The following CTSH variants were observed in gnomAD, a reference collection of about 807,000 sequenced individuals.
The protein encoded by CTSH is pro-cathepsin H.
A neutral mutation model predicts 56.3 loss-of-function variants in CTSH; 52 were observed. The ratio of observed to expected loss-of-function variants is 0.92; its 90% CI spans 0.74 to 1.16. The LOEUF is 1.16. CTSH is among the 50% of genes most tolerant of loss of function. CTSH has a pLI of 0.00. For missense variants in CTSH, 406 were observed against 424.5 expected, an observed-to-expected ratio of 0.96 and a Z score of 0.38; for synonymous variants, 174 against 155.7, an observed-to-expected ratio of 1.12 and a Z score of -0.88.
At chr15:78,930,030 TTC>T (rs1489034832) in intron 7 of CTSH, among the ~76,000 whole-genome samples, 2 of 152,214 alleles carry the variant, frequency 1.3e-5, no homozygotes, top group African/African-American at 2.4e-5. Flanking sequence ...TCCCCGTCCC[TTC>T]TCTGTTTCTC....
chr15:78,937,901 T>C, intron 2 of CTSH: 2 of 912,530 alleles, frequency 2.2e-6, no homozygotes, highest in Non-Finnish European at 3.1e-6. Context: ...TTTCGATACA[T>C]TCATATAATG....
intron 1 of CTSH, among the ~76,000 whole-genome samples, chr15:78,941,589 G>T (rs544377018): frequency 2.0e-5 from 3 of 151,876 alleles, no homozygotes; most frequent in African/African-American, 7.3e-5. Context: ...TCAGAAGATC[G>T]AGACCATCCT....
intron 10 of CTSH, among the ~76,000 whole-genome samples, chr15:78,924,354 A>G (rs1596268148): frequency 6.6e-6 from 1 of 152,170 alleles, no homozygotes; most frequent in East Asian, 1.9e-4. Flanking sequence ...AGTGTTTCAG[A>G]AGGCAGACAG....
chr15:78,937,015 G>A (rs757751029), intron 3 of CTSH: 1 of 345,946 alleles, frequency 2.9e-6, no homozygotes, highest in East Asian at 6.6e-5. Context: ...CCTACCCCCC[G>A]CAACAATCCA....
At chr15:78,932,498 G>A in intron 5 of CTSH, 40 bp from the exon 6 acceptor site, 4 of 1,515,394 alleles carry the variant, frequency 2.6e-6, no homozygotes, top group South Asian at 2.2e-5. Flanking sequence ...TCAGTGATGG[G>A]GACGCCGTGA....
rs35001431 is a variant in CTSH at position 78,944,915 on chromosome 15, C to T, written c.67G>A (p.Ala23Thr). Residue 23 changes from alanine (A) to threonine (T), a missense_variant, in exon 1 of 12, where the codon GCC (alanine) becomes ACC (threonine). By Grantham distance (58) the Ala-to-Thr change is moderately conservative. Coordinates refer to ENST00000220166, the MANE Select transcript of CTSH (RefSeq NM_004390.5). ...CCTAAGGAGTTCACGCACAGTTCGG[C>T]GGCACCGCAGACGGGGACTCCCAGG... Reference protein sequence around the residue: ...WLLGVPVCGAAELCVNSLEKF... With the variant: ...WLLGVPVCGATELCVNSLEKF... 5,820 of 1,548,584 alleles carry T rather than the reference C, an allele frequency of 3.8e-3. 254 individuals are homozygous for T. The African/African-American group carries it at 0.071, about 19-fold the overall frequency.
At chr15:78,939,082 T>C in intron 2 of CTSH, 58 bp downstream of exon 2, 1 of 1,483,704 alleles carries the variant, frequency 6.7e-7, no homozygotes, top group Non-Finnish European at 9.3e-7. Flanking sequence ...CAGTTTGGTT[T>C]GATAACAGGA....
In CTSH at chr15:78,937,650, G is replaced by C. The variant is rs145508218; in HGVS notation, c.124-227C>G. The C allele has an allele frequency of 9.9e-4, 1,382 of 1,393,418 alleles. 14 individuals are homozygous for C. The African/African-American group carries it at 0.018, about 18-fold the overall frequency. The allele number at this position is 1,393,418 out of a possible 1,614,324, so 86.3% of individuals were successfully genotyped here. On this transcript the variant is annotated intron_variant, in intron 2 of 11. Transcript: ENST00000220166. ...ATGAAGACCATGCAGCTGCGTGAAAGTCAGAATGTGGTCCAAGAGGCACTG... is the reference window on the plus strand; with the variant it reads ...ATGAAGACCATGCAGCTGCGTGAAACTCAGAATGTGGTCCAAGAGGCACTG...
At chr15:78,939,230 C>G in intron 1 of CTSH, 59 bp from the exon 2 acceptor site, 1 of 1,374,234 alleles carries the variant, frequency 7.3e-7, no homozygotes, top group Non-Finnish European at 1.0e-6. Context: ...GAGTCTATAG[C>G]AAAGTAGGGC....
At chr15:78,937,251 G>A (rs2055195021) in intron 3 of CTSH, 67 bp downstream of exon 3, 3 of 1,318,366 alleles carry the variant, frequency 2.3e-6, no homozygotes, top group East Asian at 2.3e-5. Flanking sequence ...AGCCCCCAGC[G>A]GGCCCTTTCA....
chr15:78,924,503 T>C (rs2054858280), intron 10 of CTSH, among the ~76,000 whole-genome samples: 1 of 151,768 alleles, frequency 6.6e-6, no homozygotes. Context: ...CAGCAACTGA[T>C]GAAGGGAGGG....
At chr15:78,925,147 T>C (rs1303156443) in intron 10 of CTSH, among the ~76,000 whole-genome samples, 187 bp downstream of exon 10, 1 of 152,204 alleles carries the variant, frequency 6.6e-6, no homozygotes, top group Non-Finnish European at 1.5e-5. Flanking sequence ...AGGCCATGGC[T>C]CCTGGCCCTT....
At chr15:78,922,249 C>T in intron 11 of CTSH, 44 bp from the exon 12 acceptor site, 1 of 1,488,936 alleles carries the variant, frequency 6.7e-7, no homozygotes, top group Non-Finnish European at 9.2e-7. Flanking sequence ...GGTCTCCCCA[C>T]CACAGGCCTT....
At chr15:78,941,510 G>A (rs1379427751) in intron 1 of CTSH, among the ~76,000 whole-genome samples, 1 of 130,568 alleles carries the variant, frequency 7.7e-6, no homozygotes, top group East Asian at 2.6e-4. Context: ...ATTTATTCTG[G>A]AGCTGGGCGC....
chr15:78,930,165 TG>T, intron 7 of CTSH, among the ~76,000 whole-genome samples: 1 of 152,340 alleles, frequency 6.6e-6, no homozygotes. Context: ...ACACAGCGGG[TG>T]CTCTGTGATA....
At chr15:78,939,506 G>C (rs2141553267) in intron 1 of CTSH, among the ~76,000 whole-genome samples, 1 of 152,314 alleles carries the variant, frequency 6.6e-6, no homozygotes, top group South Asian at 2.1e-4. Flanking sequence ...AGTGTGTTTA[G>C]ATTGAGAAAA....
At chr15:78,944,716 C>T (rs1472235942) in intron 1 of CTSH, 175 bp downstream of exon 1, 9 of 1,237,636 alleles carry the variant, frequency 7.3e-6, no homozygotes, top group East Asian at 3.1e-5. Context: ...CCTCCGAGAA[C>T]CCCCGCCTAT....
intron 2 of CTSH, 62 bp downstream of exon 2, chr15:78,939,076 TTG>T (rs2055233985): frequency 7.0e-7 from 1 of 1,428,276 alleles, no homozygotes; most frequent in Non-Finnish European, 9.7e-7. Context: ...CTGGGACAGT[TTG>T]GTTTGATAAC....
At chr15:78,928,000 TGTG>T (rs1353665751) in intron 8 of CTSH, among the ~76,000 whole-genome samples, 3 of 152,064 alleles carry the variant, frequency 2.0e-5, no homozygotes, top group African/African-American at 7.2e-5. Context: ...ACACATGGTG[TGTG>T]GTGGGAGCCT....
Sources: allele counts gnomAD v4.1 joint callset (sites outside exome capture counted in the v4.1 genomes callset), GRCh38; gene constraint gnomAD v4.1.1; transcripts MANE v1.5; gene names NCBI Gene and HGNC (gene_info 2026-07-23, HGNC 2026-07-21).